CPNE4: variants seen among roughly 807,000 people sequenced by gnomAD.
CPNE4 encodes copine-4.
CPNE4 carries 25 observed loss-of-function variants against 67.9 expected under a neutral mutation model. The observed-to-expected ratio is 0.37, with a 90% CI of 0.27 to 0.51. CPNE4 has a LOEUF of 0.51. Ranked by LOEUF, CPNE4 falls within the 20% of genes least tolerant of loss-of-function variation. CPNE4 has a pLI of 0.93. For synonymous variants in CPNE4, 242 were observed against 244.9 expected (o/e 0.99, Z 0.11); for missense variants, 464 against 690.8 (o/e 0.67, Z 3.68).
At position 131,796,774 on chromosome 3, in the gene CPNE4, TCCCACTCAAA is replaced by T. The variant is rs1482799928; in HGVS notation, c.181-73159_181-73150del. 2.3e-4 allele frequency among the ~76,000 whole-genome samples: 35 copies of T among 152,276 alleles called. 1 individual carries two copies. Among genetic ancestry groups the T allele is most frequent in the African/African-American group, 8.2e-4 (34 of 41,550 alleles). On this transcript the variant is annotated intron_variant, in intron 2 of 15. Coordinates refer to ENST00000429747, the MANE Select transcript of CPNE4 (RefSeq NM_130808.3). ...TCGCATTTGCAAATGAACAGAAACCTCCCACTCAAAGAGCATCAGTGCCACTGTGGCTCAC... is the reference window on the plus strand; with the variant it reads ...TCGCATTTGCAAATGAACAGAAACCTGAGCATCAGTGCCACTGTGGCTCAC...
Position 131,766,332 on chromosome 3 carries a change from T to C in CPNE4, c.181-42707A>G, listed in dbSNP as rs2083014404. Among the ~76,000 whole-genome samples the C allele has an allele frequency of 2.3e-5, 3 of 130,868 alleles. No individual in the cohort carries two copies. The Admixed American group carries it at 2.4e-4, about 10-fold the overall frequency. 85.9% of individuals were successfully genotyped at this position (130,868 alleles called of 152,430 possible). A position where few individuals can be genotyped will look rare whatever the true frequency, so the allele number is the denominator to read the frequency against. ...AGAAGTGTTAGCTTTTGTTTATTACTTCTTTATAATTATCCCCGTGGTGGA... is the reference window on the plus strand; with the variant it reads ...AGAAGTGTTAGCTTTTGTTTATTACCTCTTTATAATTATCCCCGTGGTGGA... On this transcript the variant is annotated intron_variant, in intron 2 of 15. Coordinates refer to ENST00000429747, the MANE Select transcript of CPNE4 (RefSeq NM_130808.3).
intron 1 of CPNE4, among the ~76,000 whole-genome samples, chr3:131,952,717 G>C (rs561093661): frequency 8.2e-4 from 124 of 151,990 alleles, no homozygotes; most frequent in African/African-American, 2.8e-3. Context: ...CCCTCTGCCC[G>C]GCCACCACCC....
chr3:131,920,800 A>C (rs894970139), intron 1 of CPNE4, among the ~76,000 whole-genome samples: 7 of 152,118 alleles, frequency 4.6e-5, no homozygotes, highest in African/African-American at 1.7e-4. Flanking sequence ...GTCAAATCTC[A>C]GAACCAAATG....
intron 7 of CPNE4, among the ~76,000 whole-genome samples, chr3:131,655,261 A>G (rs891796608): frequency 6.6e-6 from 1 of 152,132 alleles, no homozygotes; most frequent in Non-Finnish European, 1.5e-5. Flanking sequence ...TGAATCAGAG[A>G]CTCTGGGGTT....
chr3:131,623,217 A>C (rs1320611318), intron 7 of CPNE4, among the ~76,000 whole-genome samples: 1 of 147,142 alleles, frequency 6.8e-6, no homozygotes, highest in African/African-American at 2.7e-5. Flanking sequence ...CTGTAGTGAC[A>C]TACTTAAACT....
chr3:131,895,825 T>A (rs1583418173), intron 2 of CPNE4, among the ~76,000 whole-genome samples: 1 of 152,042 alleles, frequency 6.6e-6, no homozygotes, highest in Non-Finnish European at 1.5e-5. Flanking sequence ...CAAGCTAACA[T>A]TTGGTGAATC....
chr3:131,741,014 G>A (rs545181054), intron 2 of CPNE4, among the ~76,000 whole-genome samples: 9 of 152,118 alleles, frequency 5.9e-5, no homozygotes, highest in Admixed American at 2.6e-4. Flanking sequence ...CTTCAGATCC[G>A]TACTTAAATG....
chr3:131,640,633 A>G (rs1463594370), intron 7 of CPNE4, among the ~76,000 whole-genome samples: 2 of 151,986 alleles, frequency 1.3e-5, no homozygotes, highest in East Asian at 3.9e-4. Context: ...ATCAAAATAC[A>G]ACCACCATTC....
intron 11 of CPNE4, among the ~76,000 whole-genome samples, chr3:131,558,121 G>A (rs1293598743): frequency 1.3e-5 from 2 of 151,930 alleles, no homozygotes; most frequent in Admixed American, 6.6e-5. Flanking sequence ...TCAAGAGTAG[G>A]AAGGTAGGGA....
intron 7 of CPNE4, among the ~76,000 whole-genome samples, chr3:131,607,931 C>A (rs1939601374): frequency 6.6e-6 from 1 of 152,136 alleles, no homozygotes; most frequent in African/African-American, 2.4e-5. Flanking sequence ...TGCAGGGTTG[C>A]CGCTTGCATT....
Position 131,550,024 on chromosome 3 carries a change from C to T in CPNE4, c.1225G>A (p.Gly409Ser). The T allele has an allele frequency of 1.2e-6, 2 of 1,613,050 alleles. No individual in the cohort carries two copies. The highest frequency in any genetic ancestry group is 1.3e-5 in the African/African-American group (1 of 74,926). The change falls in exon 14 of 16, where the codon GGT (glycine) becomes AGT (serine). Residue 409 changes from glycine to serine, a missense_variant. By Grantham distance (56) the Gly-to-Ser change is moderately conservative. Coordinates refer to ENST00000429747, the MANE Select transcript of CPNE4 (RefSeq NM_130808.3). Reference protein sequence around the residue: ...QSCLPKLQLYGPTNIAPIIQK... With the variant: ...QSCLPKLQLYSPTNIAPIIQK... ...ATGATGGGGGCAATGTTGGTGGGAC[C>T]GTAGAGTTGGAGCTTAGGAAGACAG...
intron 2 of CPNE4, among the ~76,000 whole-genome samples, chr3:131,740,127 C>T (rs1407360357): frequency 2.6e-5 from 4 of 152,132 alleles, no homozygotes; most frequent in Admixed American, 2.0e-4. Flanking sequence ...GGATATAAGG[C>T]ACTAAGGCTC....
In CPNE4 at chr3:131,674,027, A is replaced by T. The variant is rs889452047; in HGVS notation, c.592-4263T>A. Among the ~76,000 whole-genome samples the T allele has an allele frequency of 1.4e-4, 21 of 151,328 alleles. 1 individual carries two copies. Among genetic ancestry groups the T allele is most frequent in the African/African-American group, 4.9e-4 (20 of 41,160 alleles). ...TTGCATTTTTTTTTATCATGAAGGGATGTTGAATTGTATCAAATGCTTCTT... is the reference window on the plus strand; with the variant it reads ...TTGCATTTTTTTTTATCATGAAGGGTTGTTGAATTGTATCAAATGCTTCTT... On this transcript the variant is annotated intron_variant, in intron 6 of 15. Transcript: ENST00000429747.
intron 2 of CPNE4, among the ~76,000 whole-genome samples, chr3:131,868,494 A>C (rs73203898): frequency 0.076 from 11,589 of 152,278 alleles, 581 homozygotes; most frequent in East Asian, 0.17. Flanking sequence ...CATCTGCTTT[A>C]GCAGGCTCTG....
chr3:131,624,786 A>G (rs191675481), intron 7 of CPNE4, among the ~76,000 whole-genome samples: 2 of 147,550 alleles, frequency 1.4e-5, no homozygotes, highest in East Asian at 4.0e-4. Flanking sequence ...GTTCTATTTA[A>G]AACGTGCTCT....
chr3:131,965,678 T>C (rs895915432), intron 1 of CPNE4, among the ~76,000 whole-genome samples: 1 of 152,112 alleles, frequency 6.6e-6, no homozygotes, highest in Non-Finnish European at 1.5e-5. Flanking sequence ...GAGCTAACTA[T>C]CCTAAATATA....
At chr3:131,536,101 G>A (rs1322760290) in intron 15 of CPNE4, among the ~76,000 whole-genome samples, 3 of 152,154 alleles carry the variant, frequency 2.0e-5, no homozygotes, top group Non-Finnish European at 2.9e-5. Context: ...GGTGGGGGAC[G>A]AGGGGGTTTA....
chr3:131,998,371 A>G (rs1420456309), intron 1 of CPNE4, among the ~76,000 whole-genome samples: 1 of 152,132 alleles, frequency 6.6e-6, no homozygotes, highest in Admixed American at 6.6e-5. Context: ...CCAGAAAACT[A>G]ATCTACAGGA....
chr3:132,006,053 A>G (rs1181814410), intron 1 of CPNE4, among the ~76,000 whole-genome samples: 2 of 152,166 alleles, frequency 1.3e-5, no homozygotes, highest in African/African-American at 2.4e-5. Flanking sequence ...TATAACATCC[A>G]GTACACCATC....
Sources: gnomAD v4.1 joint callset for allele counts (sites outside exome capture counted in the v4.1 genomes callset) on GRCh38, gnomAD v4.1.1 for gene constraint, MANE v1.5 for transcripts, NCBI Gene and HGNC (gene_info 2026-07-23, HGNC 2026-07-21) for gene names.